The following CCDC148 variants were observed in gnomAD, a reference collection of about 807,000 sequenced individuals.
CCDC148 encodes coiled-coil domain-containing protein 148.
In CCDC148, 89 loss-of-function variants were observed where a neutral mutation model predicts 85.7. The observed-to-expected ratio is 1.04, with a 90% confidence interval of 0.87 to 1.24. CCDC148 has a LOEUF of 1.24. Ranked by LOEUF, CCDC148 falls within the 50% of genes most tolerant of loss-of-function variation. The probability of loss-of-function intolerance (pLI) is 0.00; values close to 1 mark genes in which losing one functional copy is unlikely to be tolerated. For missense variants in CCDC148, 692 were observed against 671.7 expected (o/e 1.03, Z -0.33); for synonymous variants, 230 against 213.9 (o/e 1.08, Z -0.66).
chr2:158,449,814 A>G (rs187171870), intron 1 of CCDC148, among the ~76,000 whole-genome samples: 146 of 152,308 alleles, frequency 9.6e-4, no homozygotes, highest in African/African-American at 3.4e-3. Flanking sequence ...TTATTCTCAG[A>G]TTTAGAAGGA....
intron 3 of CCDC148, among the ~76,000 whole-genome samples, chr2:158,344,849 T>A (rs1191538104): frequency 1.3e-5 from 2 of 152,106 alleles, no homozygotes; most frequent in East Asian, 3.9e-4. Context: ...TATGATGAGA[T>A]GTTTGCCCGT....
chr2:158,441,629 T>C (rs1317239537), intron 1 of CCDC148, among the ~76,000 whole-genome samples: 1 of 152,204 alleles, frequency 6.6e-6, no homozygotes, highest in African/African-American at 2.4e-5. Context: ...GGCTCAGGAA[T>C]TTTAATTCTT....
chr2:158,423,944 G>A (rs965744701), intron 1 of CCDC148, among the ~76,000 whole-genome samples: 7 of 152,158 alleles, frequency 4.6e-5, no homozygotes, highest in South Asian at 2.1e-4. Context: ...AGACATTTAC[G>A]CAGTCAGCAG....
At chr2:158,287,501 G>T (rs1048345000) in intron 9 of CCDC148, among the ~76,000 whole-genome samples, 2 of 152,066 alleles carry the variant, frequency 1.3e-5, no homozygotes. Context: ...TTTAATGGGA[G>T]AAATTGGCCA....
intron 9 of CCDC148, among the ~76,000 whole-genome samples, chr2:158,283,748 C>T (rs867253236): frequency 7.3e-5 from 11 of 151,486 alleles, no homozygotes; most frequent in South Asian, 2.1e-4. Context: ...ACTAGAAATA[C>T]CATTTGACCC....
intron 7 of CCDC148, among the ~76,000 whole-genome samples, chr2:158,324,280 A>G (rs897480445): frequency 6.6e-6 from 1 of 152,076 alleles, no homozygotes; most frequent in African/African-American, 2.4e-5. Flanking sequence ...CTGTGGCTAT[A>G]TATAGATGTA....
chr2:158,431,912 G>C (rs1041866697), intron 1 of CCDC148, among the ~76,000 whole-genome samples: 1 of 151,830 alleles, frequency 6.6e-6, no homozygotes, highest in African/African-American at 2.4e-5. Context: ...ACTCCAGCCT[G>C]GGCAACAGAG....
At chr2:158,226,213 G>A (rs1370850137) in intron 10 of CCDC148, among the ~76,000 whole-genome samples, 5 of 152,132 alleles carry the variant, frequency 3.3e-5, no homozygotes, top group Non-Finnish European at 1.5e-5. Context: ...AGAAGAAATG[G>A]ATAAATTCCT....
intron 10 of CCDC148, among the ~76,000 whole-genome samples, chr2:158,222,209 T>A (rs1687221488): frequency 6.6e-6 from 1 of 152,126 alleles, no homozygotes; most frequent in African/African-American, 2.4e-5. Flanking sequence ...ACTTCCTTAC[T>A]CCCAGCACTG....
rs397841125 is a variant in CCDC148, at chr2:158,178,840, T to TTTA, written c.1488+38_1488+39insTAA. Reference sequence around the variant, plus strand: ...TAAGAGCACTTAGAAACATTTTTTTTAAAAAAACCACCCATGAAAATTTCC... The same window carrying TTTA: ...TAAGAGCACTTAGAAACATTTTTTTTTTAAAAAAAACCACCCATGAAAATTTCC... On this transcript the variant is annotated intron_variant, in intron 12 of 13. Transcript: ENST00000283233. 8 of 1,420,804 alleles carry TTTA rather than the reference T, an allele frequency of 5.6e-6. No homozygotes were observed. The South Asian group carries it at 8.2e-5, about 15-fold the overall frequency. 88.0% of individuals were successfully genotyped at this position (1,420,804 alleles called of 1,614,324 possible).
At position 158,341,468 on chromosome 2, in the gene CCDC148, A is replaced by T. The variant is rs899754884; in HGVS notation, c.252-788T>A. Among the ~76,000 whole-genome samples, 69 of 151,974 alleles carry T rather than the reference A, an allele frequency of 4.5e-4. 2 individuals are homozygous for T. Among genetic ancestry groups the T allele is most frequent in the Non-Finnish European group, 1.0e-4 (7 of 67,978 alleles). On this transcript the variant is annotated intron_variant, in intron 3 of 13. Coordinates refer to ENST00000283233, the MANE Select transcript of CCDC148 (RefSeq NM_138803.4). Reference sequence around the variant, plus strand: ...ACTACAGGCATGTGACACCACACCTAGCTAATATGTGCGTGTGTGTACTTT... The same window carrying T: ...ACTACAGGCATGTGACACCACACCTTGCTAATATGTGCGTGTGTGTACTTT...
intron 9 of CCDC148, among the ~76,000 whole-genome samples, chr2:158,268,346 C>T (rs757237734): frequency 4.6e-5 from 7 of 152,020 alleles, no homozygotes; most frequent in Non-Finnish European, 1.0e-4. Context: ...AAAGCATTTG[C>T]CTGACCTCCT....
At chr2:158,262,898 G>C (rs993783840) in intron 9 of CCDC148, among the ~76,000 whole-genome samples, 2 of 151,938 alleles carry the variant, frequency 1.3e-5, no homozygotes, top group African/African-American at 4.8e-5. Flanking sequence ...AAAGAAAAAA[G>C]AAAACTCGGA....
chr2:158,230,315 A>C (rs1040152438), intron 10 of CCDC148, among the ~76,000 whole-genome samples: 1 of 152,214 alleles, frequency 6.6e-6, no homozygotes, highest in East Asian at 1.9e-4. Flanking sequence ...GTTTAGAAAA[A>C]TTTGAGTAGA....
At chr2:158,414,688 G>A (rs1312919981) in intron 1 of CCDC148, among the ~76,000 whole-genome samples, 1 of 152,150 alleles carries the variant, frequency 6.6e-6, no homozygotes, top group East Asian at 1.9e-4. Flanking sequence ...ATGATTATGT[G>A]CAATGTTAGA....
At chr2:158,361,322 G>A (rs537317749) in intron 1 of CCDC148, among the ~76,000 whole-genome samples, 1 of 152,204 alleles carries the variant, frequency 6.6e-6, no homozygotes, top group Admixed American at 6.5e-5. Context: ...GAAATACAGA[G>A]AACACCACAA....
rs1387567222 is a variant in CCDC148 at position 158,182,213 on chromosome 2, G to A, written c.1371-3217C>T. Among the ~76,000 whole-genome samples the A allele has an allele frequency of 3.3e-5, 5 of 152,000 alleles. No individual in the cohort carries two copies. In the East Asian group the frequency reaches 7.7e-4, roughly 24 times the overall value. On this transcript the variant is annotated intron_variant, in intron 11 of 13. Coordinates refer to ENST00000283233, the MANE Select transcript of CCDC148 (RefSeq NM_138803.4). ...CATGGGGAGTCTTTACCAGTAGAAC[G>A]GAATTGAAGCCACAAGGCAGATGCC...
chr2:158,423,045 G>A (rs1686881743), intron 1 of CCDC148, among the ~76,000 whole-genome samples: 2 of 152,062 alleles, frequency 1.3e-5, no homozygotes, highest in South Asian at 4.1e-4. Flanking sequence ...ACCTCTTTAA[G>A]GAGAACTACA....
At chr2:158,232,030 T>C (rs1248379719) in intron 10 of CCDC148, among the ~76,000 whole-genome samples, 2 of 151,820 alleles carry the variant, frequency 1.3e-5, no homozygotes, top group African/African-American at 4.8e-5. Context: ...GTTAGACTTT[T>C]TGAAGGATTC....
Sources: allele counts gnomAD v4.1 joint callset (sites outside exome capture counted in the v4.1 genomes callset), GRCh38; gene constraint gnomAD v4.1.1; transcripts MANE v1.5; gene names NCBI Gene and HGNC (gene_info 2026-07-23, HGNC 2026-07-21).